SBF2: variants seen among roughly 807,000 people sequenced by gnomAD.
The protein encoded by SBF2 is SET binding factor 2.
In SBF2, 112 loss-of-function variants were observed where a neutral mutation model predicts 225.2. The observed-to-expected ratio is 0.50, with a 90% CI of 0.43 to 0.58. The LOEUF (loss-of-function observed/expected upper bound fraction) is 0.58, where lower values mean the gene tolerates loss of function less well. SBF2 is among the 20% of genes least tolerant of loss of function. The probability of loss-of-function intolerance (pLI) is 0.00; values close to 1 mark genes in which losing one functional copy is unlikely to be tolerated. For missense variants in SBF2, 1,996 were observed against 2,206.2 expected (o/e 0.90, Z 1.91); for synonymous variants, 763 against 773.3 (o/e 0.99, Z 0.22).
chr11:10,072,893 T>C (rs1590892122), intron 2 of SBF2, among the ~76,000 whole-genome samples: 1 of 44,958 alleles, frequency 2.2e-5, no homozygotes, highest in African/African-American at 6.4e-5. Flanking sequence ...TATGGCTAAT[T>C]ATTATTATTA....
intron 17 of SBF2, among the ~76,000 whole-genome samples, chr11:9,873,920 G>A (rs1223102243): frequency 5.9e-5 from 9 of 151,958 alleles, no homozygotes; most frequent in Admixed American, 5.9e-4. Flanking sequence ...CTGGTGGCAG[G>A]CGCATGTAAT....
At chr11:10,013,945 G>A (rs899163997) in intron 6 of SBF2, among the ~76,000 whole-genome samples, 1 of 152,100 alleles carries the variant, frequency 6.6e-6, no homozygotes, top group Non-Finnish European at 1.5e-5. Context: ...TTTCCTAACA[G>A]TCTGTAAGTC....
chr11:10,185,869 A>G (rs766192739), intron 2 of SBF2, among the ~76,000 whole-genome samples: 4 of 152,138 alleles, frequency 2.6e-5, no homozygotes, highest in Non-Finnish European at 5.9e-5. Flanking sequence ...ATTCATACAT[A>G]CACATATATA....
chr11:9,829,998 G>T (rs1214500671), intron 27 of SBF2, among the ~76,000 whole-genome samples: 1 of 152,188 alleles, frequency 6.6e-6, no homozygotes, highest in African/African-American at 2.4e-5. Flanking sequence ...GCCCACCAGG[G>T]GACATGAGCC....
At chr11:10,011,162 C>T (rs371725085) in intron 6 of SBF2, among the ~76,000 whole-genome samples, 2 of 152,244 alleles carry the variant, frequency 1.3e-5, no homozygotes, top group African/African-American at 2.4e-5. Context: ...GTTGTTTGTT[C>T]GTGTGAAATC....
At chr11:9,783,801 T>C (rs1289900635) in intron 38 of SBF2, among the ~76,000 whole-genome samples, 1 of 152,192 alleles carries the variant, frequency 6.6e-6, no homozygotes, top group Non-Finnish European at 1.5e-5. Context: ...TTTACTCCCC[T>C]GTTGCTGCCA....
In SBF2 at chr11:10,005,637, T is replaced by C. The variant is rs541448511; in HGVS notation, c.620-2948A>G. ...CTGAAGAAGCAAGAATTGAGATTGC[T>C]GCAGACCTCTATGGATTTGCTGTCG... is the stretch of plus-strand genomic sequence containing the variant. On this transcript the variant is annotated intron_variant, in intron 6 of 39. Transcript: ENST00000256190. 8.5e-5 allele frequency among the ~76,000 whole-genome samples: 13 copies of C among 152,198 alleles called. No individual in the cohort carries two copies. In the East Asian group the frequency reaches 2.3e-3, roughly 27 times the overall value.
rs1266350530 is a variant in SBF2, at chr11:10,029,797, C to A, written c.481G>T (p.Ala161Ser). The A allele has an allele frequency of 1.2e-6, 2 of 1,613,718 alleles. No individual in the cohort carries two copies. Among genetic ancestry groups the A allele is most frequent in the African/African-American group, 1.3e-5 (1 of 74,918 alleles). The change falls in exon 5 of 40, where the codon GCC becomes TCC. Residue 161 changes from alanine (A) to serine (S), a missense_variant. Coordinates refer to ENST00000256190, the MANE Select transcript of SBF2 (RefSeq NM_030962.4). The stretch of plus-strand genomic sequence containing the variant: ...CCTCCAGCCGCTGGGACAAGGCAGG[C>A]ACAAAGGTTTGCAATTAGACTTTCC... ...SLESLIANLC[A>S]CLVPAAGGSQ...
intron 2 of SBF2, among the ~76,000 whole-genome samples, chr11:10,102,725 A>C (rs1952362783): frequency 6.6e-6 from 1 of 152,192 alleles, no homozygotes; most frequent in Non-Finnish European, 1.5e-5. Context: ...TGAACATTAA[A>C]ATAAAAGCAC....
chr11:9,915,196 C>CAGTGTG (rs1245008163), intron 16 of SBF2, among the ~76,000 whole-genome samples: 6 of 152,098 alleles, frequency 3.9e-5, no homozygotes, highest in Admixed American at 3.9e-4. Flanking sequence ...CGCCTGTAAT[C>CAGTGTG]CCAGCACTTT....
At chr11:10,103,413 A>G (rs1952399888) in intron 2 of SBF2, among the ~76,000 whole-genome samples, 1 of 152,196 alleles carries the variant, frequency 6.6e-6, no homozygotes, top group South Asian at 2.1e-4. Flanking sequence ...ATTTGTGTAA[A>G]TGTGTTATTG....
chr11:9,895,817 A>G, intron 17 of SBF2, 126 bp downstream of exon 17: 1 of 743,134 alleles, frequency 1.3e-6, no homozygotes, highest in South Asian at 1.4e-5. Context: ...TATAATAAAT[A>G]TAACCGCAGA....
chr11:10,234,407 T>A (rs1261269668), intron 1 of SBF2, among the ~76,000 whole-genome samples: 1 of 152,220 alleles, frequency 6.6e-6, no homozygotes, highest in Non-Finnish European at 1.5e-5. Flanking sequence ...GAGCAATTCA[T>A]GTACATTTTG....
chr11:9,992,678 T>A, intron 11 of SBF2, 135 bp from the exon 12 acceptor site: 1 of 841,554 alleles, frequency 1.2e-6, no homozygotes. Context: ...TAAAATATAT[T>A]TCTCTCAAAG....
Position 9,921,064 on chromosome 11 carries a change from C to CTTT in SBF2, c.1861-25056_1861-25054dup, listed in dbSNP as rs34959264. On this transcript the variant is annotated intron_variant, in intron 16 of 39. Coordinates refer to ENST00000256190, the MANE Select transcript of SBF2 (RefSeq NM_030962.4). Reference sequence around the variant, plus strand: ...ATGCATCAGTATGACCTGAAAACTTCTTTTTTTTTTTTTTTTTTTTTTGGA... The same window carrying CTTT: ...ATGCATCAGTATGACCTGAAAACTTCTTTTTTTTTTTTTTTTTTTTTTTTTGGA... Among the ~76,000 whole-genome samples, 751 of 85,788 alleles carry CTTT rather than the reference C, an allele frequency of 8.8e-3. 5 individuals are homozygous for CTTT. Among genetic ancestry groups the CTTT allele is most frequent in the East Asian group, 0.015 (47 of 3,148 alleles). 56.3% of individuals were successfully genotyped at this position (85,788 alleles called of 152,430 possible). A position where few individuals can be genotyped will look rare whatever the true frequency, so the allele number is the denominator to read the frequency against.
At chr11:9,956,554 G>C (rs1866178854) in intron 16 of SBF2, 1 of 133,442 alleles carries the variant, frequency 7.5e-6, no homozygotes, top group Non-Finnish European at 1.6e-5. Flanking sequence ...CATCCAAGTG[G>C]GTTTCCTTAA....
At chr11:9,949,299 A>G (rs962287494) in intron 16 of SBF2, among the ~76,000 whole-genome samples, 8 of 152,142 alleles carry the variant, frequency 5.3e-5, no homozygotes, top group Admixed American at 5.2e-4. Context: ...AGGATCAGAA[A>G]TCTGATTTTC....
At chr11:9,873,713 A>G (rs1250293402) in intron 17 of SBF2, among the ~76,000 whole-genome samples, 1 of 152,232 alleles carries the variant, frequency 6.6e-6, no homozygotes, top group Admixed American at 6.5e-5. Flanking sequence ...GTTCAGCACT[A>G]TATTAGGATT....
chr11:10,002,487 C>T, intron 7 of SBF2, 70 bp downstream of exon 7: 8 of 1,258,444 alleles, frequency 6.4e-6, no homozygotes, highest in Non-Finnish European at 6.9e-6. Flanking sequence ...TGTGCCATAA[C>T]ATTATGACTT....
Sources: gnomAD v4.1 joint callset for allele counts (sites outside exome capture counted in the v4.1 genomes callset) on GRCh38, gnomAD v4.1.1 for gene constraint, MANE v1.5 for transcripts, NCBI Gene and HGNC (gene_info 2026-07-23, HGNC 2026-07-21) for gene names.